MTMR9: variants seen among roughly 807,000 people sequenced by gnomAD.
The protein encoded by MTMR9 is myotubularin related protein 9, also known as myotubularin-related protein 9.
Under a neutral mutation model 69.5 loss-of-function variants are expected in MTMR9, and 39 were observed. That is an observed-to-expected ratio of 0.56 (90% CI 0.43 to 0.73). The LOEUF (loss-of-function observed/expected upper bound fraction) is 0.73. Among genes scored for constraint, MTMR9 ranks in the 30% least tolerant of loss-of-function variants. The probability of loss-of-function intolerance (pLI) is 0.00; values close to 1 mark genes in which losing one functional copy is unlikely to be tolerated. For synonymous variants in MTMR9, 354 were observed against 240.8 expected (o/e 1.47, Z -4.35); for missense variants, 900 against 671.2 (o/e 1.34, Z -3.77).
Position 11,287,782 on chromosome 8 carries a change from TATATTATATATAATAC to T in MTMR9, c.182+2723_182+2738del, listed in dbSNP as rs1282188594. 3.0e-3 allele frequency among the ~76,000 whole-genome samples: 359 copies of T among 119,916 alleles called. 6 individuals are homozygous for T. Among genetic ancestry groups the T allele is most frequent in the African/African-American group, 0.01 (315 of 31,150 alleles). 78.7% of individuals were successfully genotyped at this position (119,916 alleles called of 152,430 possible). On this transcript the variant is annotated intron_variant, in intron 1 of 9. Transcript: ENST00000221086. ...TTATTTATTTATTATATATTTATTATATATTATATATAATACATATTATATAATACATATAATATAT... is the reference window on the plus strand; with the variant it reads ...TTATTTATTTATTATATATTTATTATATATTATATAATACATATAATATAT...
downstream of MTMR9, among the ~76,000 whole-genome samples, chr8:11,329,461 G>A (rs911319758): frequency 7.9e-5 from 12 of 152,224 alleles, no homozygotes; most frequent in African/African-American, 2.7e-4. Context: ...TTGCAGGCTC[G>A]CGCCGCCACG....
downstream of MTMR9, among the ~76,000 whole-genome samples, chr8:11,330,166 C>T (rs13250270): frequency 0.4 from 59,328 of 149,246 alleles, 13,079 homozygotes; most frequent in East Asian, 0.73. Context: ...GATCAGCCCC[C>T]GCCCGGCCAG....
chr8:11,308,659 T>C (rs995791042), intron 5 of MTMR9, among the ~76,000 whole-genome samples: 1 of 152,258 alleles, frequency 6.6e-6, no homozygotes, highest in Admixed American at 6.5e-5. Context: ...TAGTCTCTTA[T>C]GATCCCTTGT....
chr8:11,321,457 G>GA (rs1210407146), intron 9 of MTMR9: 1 of 456,534 alleles, frequency 2.2e-6, no homozygotes, highest in Admixed American at 2.3e-5. Flanking sequence ...TGGGAGCTGG[G>GA]TGGCCTGAAG....
chr8:11,316,810 T>C lies in MTMR9; in HGVS notation c.1251T>C (p.Phe417=), dbSNP rs761230674. ...ILRQFPCSFE[F]NENFLIMLFE... is the part of the protein sequence containing the mutation. ...GTCAGTTTCCCTGTTCTTTTGAGTT[T>C]AATGAGAATTTCCTCATCATGCTCT... The change falls in exon 8 of 10, where the codon TTT becomes TTC. Residue 417 remains phenylalanine (F), a synonymous_variant. Coordinates refer to ENST00000221086, the MANE Select transcript of MTMR9 (RefSeq NM_015458.4). 5 of 1,613,916 alleles carry C rather than the reference T, an allele frequency of 3.1e-6. No homozygotes were observed. Among genetic ancestry groups the C allele is most frequent in the African/African-American group, 1.3e-5 (1 of 75,010 alleles).
intron 2 of MTMR9, chr8:11,298,721 C>CGG (rs1554501122): frequency 3.3e-5 from 11 of 336,826 alleles, no homozygotes; most frequent in Non-Finnish European, 3.8e-5. Flanking sequence ...CCCCGCTGCA[C>CGG]CCCCCCCCCG....
chr8:11,321,802 A>T (rs1800703284), intron 9 of MTMR9, among the ~76,000 whole-genome samples: 1 of 152,058 alleles, frequency 6.6e-6, no homozygotes, highest in Non-Finnish European at 1.5e-5. Context: ...TCCCTTTCTG[A>T]TACAGCCTGA....
intron 2 of MTMR9, among the ~76,000 whole-genome samples, chr8:11,298,251 G>C (rs1174282118): frequency 1.3e-5 from 2 of 152,178 alleles, no homozygotes; most frequent in African/African-American, 4.8e-5. Flanking sequence ...TGTGAGAGTG[G>C]TTGCTGACTT....
At chr8:11,296,144 C>T (rs7832747) in intron 2 of MTMR9, among the ~76,000 whole-genome samples, 26,692 of 151,934 alleles carry the variant, frequency 0.18, 2,955 homozygotes, top group African/African-American at 0.31. Flanking sequence ...CATTATTGAA[C>T]GATAGCACAG....
rs193058346 is a variant in MTMR9 at position 11,288,938 on chromosome 8, C to T, written c.182+3868C>T. Among the ~76,000 whole-genome samples the T allele has an allele frequency of 4.5e-4, 68 of 152,244 alleles. 2 individuals carry two copies. Among genetic ancestry groups the T allele is most frequent in the Admixed American group, 3.3e-3 (51 of 15,294 alleles). On this transcript the variant is annotated intron_variant, in intron 1 of 9. Transcript: ENST00000221086. The stretch of plus-strand genomic sequence containing the variant: ...CTGTAATCCCAGCACTCTGGGAGGC[C>T]GAGGCGGGCAGATCACCTGAGGTCA...
the MTMR9 span, among the ~76,000 whole-genome samples, chr8:11,338,466 A>G: frequency 6.6e-6 from 1 of 152,346 alleles, no homozygotes; most frequent in Admixed American, 6.5e-5. Context: ...TGGTGAGGAT[A>G]GAATTTCAGA....
At chr8:11,329,130 G>C (rs2736264), downstream of MTMR9, among the ~76,000 whole-genome samples, 88,741 of 152,074 alleles carry the variant, frequency 0.58, 26,705 homozygotes, top group East Asian at 0.97. Flanking sequence ...TTCCATTGGT[G>C]TATATGTCTG....
chr8:11,306,106 A>G lies in MTMR9; in HGVS notation c.592-84A>G, dbSNP rs965270005. ...AGTGTCACACAATTGTTTTTGAGATACTCTTAATCTAGCTAATTTCTTTCT... is the reference window on the plus strand; with the variant it reads ...AGTGTCACACAATTGTTTTTGAGATGCTCTTAATCTAGCTAATTTCTTTCT... On this transcript the variant is annotated intron_variant, in intron 4 of 9. Transcript: ENST00000221086. 46 of 1,145,022 alleles carry G rather than the reference A, an allele frequency of 4.0e-5. No individual in the cohort carries two copies. In the South Asian group the frequency reaches 4.6e-4, roughly 12 times the overall value. 70.9% of individuals were successfully genotyped at this position (1,145,022 alleles called of 1,614,324 possible). A position where few individuals can be genotyped will look rare whatever the true frequency, so the allele number is the denominator to read the frequency against.
chr8:11,288,257 T>A (rs1799256401), intron 1 of MTMR9, among the ~76,000 whole-genome samples: 1 of 138,504 alleles, frequency 7.2e-6, no homozygotes, highest in Non-Finnish European at 1.5e-5. Context: ...TATATTATAA[T>A]AATTATATAT....
chr8:11,294,546 G>C (rs559957705), intron 1 of MTMR9, among the ~76,000 whole-genome samples: 5 of 133,956 alleles, frequency 3.7e-5, no homozygotes, highest in Admixed American at 2.3e-4. Context: ...CTGTCACCTA[G>C]GCTGGAGTGC....
chr8:11,322,648 T>C lies in MTMR9; in HGVS notation c.1510T>C (p.Ser504Pro). The C allele has an allele frequency of 6.2e-7, 1 of 1,613,818 alleles. No individual in the cohort carries two copies. Among genetic ancestry groups the C allele is most frequent in the Non-Finnish European group, 8.5e-7 (1 of 1,179,860 alleles). The change falls in exon 10 of 10, where the codon TCC becomes CCC. Residue 504 changes from serine to proline, a missense_variant. Ser to Pro is a moderately conservative substitution (Grantham distance 74). Transcript: ENST00000221086. ...WEGIFLRWNRSSKYLDEAYEE... is the reference protein window; with the variant it reads ...WEGIFLRWNRPSKYLDEAYEE... Reference sequence around the variant, plus strand: ...AGGTATTTTCCTACGTTGGAATAGATCCTCTAAGTATTTGGATGAAGCATA... The same window carrying C: ...AGGTATTTTCCTACGTTGGAATAGACCCTCTAAGTATTTGGATGAAGCATA...
chr8:11,335,905 G>A, the MTMR9 span, among the ~76,000 whole-genome samples: 1 of 152,038 alleles, frequency 6.6e-6, no homozygotes, highest in African/African-American at 2.4e-5. Flanking sequence ...TCCAAATAAG[G>A]TTATGTTCTG....
chr8:11,329,736 C>A (rs1490645139), downstream of MTMR9, among the ~76,000 whole-genome samples: 3 of 152,208 alleles, frequency 2.0e-5, no homozygotes, highest in African/African-American at 7.2e-5. Flanking sequence ...CGGCCGCCAC[C>A]CCGTCTGGGA....
rs573195408 is a variant in MTMR9, at chr8:11,288,254, T to C, written c.182+3184T>C. Among the ~76,000 whole-genome samples the C allele has an allele frequency of 2.3e-3, 299 of 131,862 alleles. 3 individuals are homozygous for C. Among genetic ancestry groups the C allele is most frequent in the East Asian group, 0.019 (87 of 4,620 alleles). 86.5% of individuals were successfully genotyped at this position (131,862 alleles called of 152,430 possible). A position where few individuals can be genotyped will look rare whatever the true frequency, so the allele number is the denominator to read the frequency against. On this transcript the variant is annotated intron_variant, in intron 1 of 9. Transcript: ENST00000221086. The stretch of plus-strand genomic sequence containing the variant: ...ATATATAATAATAATAATTATATTA[T>C]AATAATTATATATTATAATATAGTA...
Sources: allele counts gnomAD v4.1 joint callset (sites outside exome capture counted in the v4.1 genomes callset), GRCh38; gene constraint gnomAD v4.1.1; transcripts MANE v1.5; gene names NCBI Gene and HGNC (gene_info 2026-07-23, HGNC 2026-07-21).